The following SLC39A11 variants were observed in gnomAD, a reference collection of about 807,000 sequenced individuals.
SLC39A11 encodes the protein solute carrier family 39 member 11.
Under a neutral mutation model 36.1 loss-of-function variants are expected in SLC39A11, and 33 were observed. That is an observed-to-expected ratio of 0.91 (90% confidence interval 0.69 to 1.22). The LOEUF is 1.22. SLC39A11 is among the 50% of genes most tolerant of loss of function. The pLI is 0.00. For synonymous variants in SLC39A11, 166 were observed against 170.3 expected (o/e 0.97, Z 0.20); for missense variants, 432 against 430.3 (o/e 1.00, Z -0.03).
intron 2 of SLC39A11, among the ~76,000 whole-genome samples, chr17:73,086,753 G>A (rs577334160): frequency 1.3e-5 from 2 of 152,350 alleles, no homozygotes; most frequent in South Asian, 4.1e-4. Flanking sequence ...CCAGGAGGTG[G>A]AGGTTGCAGT....
intron 3 of SLC39A11, among the ~76,000 whole-genome samples, chr17:73,053,501 T>C (rs183916174): frequency 1.3e-4 from 20 of 152,328 alleles, no homozygotes; most frequent in Non-Finnish European, 2.4e-4. Context: ...TATGTGTCAA[T>C]TACTGTGTTA....
chr17:72,979,483 G>C (rs75095813), intron 4 of SLC39A11, among the ~76,000 whole-genome samples: 1 of 152,178 alleles, frequency 6.6e-6, no homozygotes, highest in Admixed American at 6.5e-5. Flanking sequence ...TTGAGAAGCA[G>C]AGCAGGCAAT....
chr17:72,979,402 G>C lies in SLC39A11; in HGVS notation c.307-31527C>G, dbSNP rs147087722. Among the ~76,000 whole-genome samples the C allele has an allele frequency of 5.3e-5, 8 of 152,240 alleles. No individual in the cohort carries two copies. The East Asian group carries it at 1.5e-3, about 29-fold the overall frequency. On this transcript the variant is annotated intron_variant, in intron 4 of 9. Coordinates refer to ENST00000255559, the MANE Select transcript of SLC39A11 (RefSeq NM_139177.4). ...AGTGAGACAGATAATTCTCACTCCAGTTATGCTGAGAGGAACCTGGACTCC... is the reference window on the plus strand; with the variant it reads ...AGTGAGACAGATAATTCTCACTCCACTTATGCTGAGAGGAACCTGGACTCC...
chr17:72,967,692 T>C (rs2087112647), intron 4 of SLC39A11, among the ~76,000 whole-genome samples: 1 of 152,198 alleles, frequency 6.6e-6, no homozygotes, highest in Non-Finnish European at 1.5e-5. Flanking sequence ...ATTGCTTTTC[T>C]CTGACATGTA....
In SLC39A11 at chr17:72,949,144, C is replaced by CTTTTTTTTTTT. The variant is rs56036208; in HGVS notation, c.307-1280_307-1270dup. Among the ~76,000 whole-genome samples, 347 of 36,510 alleles carry CTTTTTTTTTTT rather than the reference C, an allele frequency of 9.5e-3. 102 individuals carry two copies. The highest frequency in any genetic ancestry group is 0.014 in the Admixed American group (26 of 1,802). The allele number at this position is 36,510 out of a possible 152,430, so 24.0% of individuals were successfully genotyped here. A position where few individuals can be genotyped will look rare whatever the true frequency, so the allele number is the denominator to read the frequency against. ...AAATAAAATACCATACACTGGGCAGCTTTTTTTTTTTTTTTTTTTTTTTTT... is the reference window on the plus strand; with the variant it reads ...AAATAAAATACCATACACTGGGCAGCTTTTTTTTTTTTTTTTTTTTTTTTTTTTTTTTTTTT... On this transcript the variant is annotated intron_variant, in intron 4 of 9. Transcript: ENST00000255559.
At chr17:72,855,396 G>C (rs575471233) in intron 5 of SLC39A11, among the ~76,000 whole-genome samples, 47 of 152,246 alleles carry the variant, frequency 3.1e-4, no homozygotes, top group African/African-American at 9.4e-4. Flanking sequence ...CTAGCCAAGA[G>C]AGCTTTAACA....
chr17:73,054,808 A>AG (rs2059617022), intron 3 of SLC39A11, among the ~76,000 whole-genome samples: 2 of 30,520 alleles, frequency 6.6e-5, no homozygotes, highest in South Asian at 2.0e-3. Context: ...ATTCCGTCTC[A>AG]AAAAAAAAAA....
At chr17:72,822,532 C>T (rs1484053712) in intron 6 of SLC39A11, among the ~76,000 whole-genome samples, 1 of 150,864 alleles carries the variant, frequency 6.6e-6, no homozygotes, top group African/African-American at 2.4e-5. Flanking sequence ...CAGTGCACAA[C>T]AACTGAGAGA....
intron 5 of SLC39A11, among the ~76,000 whole-genome samples, chr17:72,923,001 A>T (rs1251760898): frequency 6.7e-6 from 1 of 149,828 alleles, no homozygotes; most frequent in Non-Finnish European, 1.5e-5. Flanking sequence ...CACACAGAAA[A>T]TACGAAACCC....
chr17:72,825,536 A>G (rs899694347), intron 6 of SLC39A11, among the ~76,000 whole-genome samples: 5 of 152,188 alleles, frequency 3.3e-5, no homozygotes, highest in African/African-American at 1.2e-4. Flanking sequence ...CTGTGAGAAG[A>G]GGTCACTGTT....
chr17:72,947,044 G>C (rs1019884557), intron 5 of SLC39A11, among the ~76,000 whole-genome samples: 5 of 152,208 alleles, frequency 3.3e-5, no homozygotes, highest in African/African-American at 1.2e-4. Context: ...CAGTTGGCCA[G>C]GTGCAGTGGC....
intron 9 of SLC39A11, among the ~76,000 whole-genome samples, chr17:72,648,352 AAC>A (rs1010764049): frequency 1.9e-4 from 8 of 41,266 alleles, no homozygotes; most frequent in African/African-American, 4.3e-4. Flanking sequence ...AAAAAAGAAA[AAC>A]AAAACAAAAC....
intron 5 of SLC39A11, among the ~76,000 whole-genome samples, chr17:72,870,169 G>A (rs765799387): frequency 1.3e-5 from 2 of 152,060 alleles, no homozygotes; most frequent in Non-Finnish European, 2.9e-5. Flanking sequence ...TAATGTGCGA[G>A]GTCAGCAGAC....
intron 5 of SLC39A11, among the ~76,000 whole-genome samples, chr17:72,901,995 G>A (rs1161927274): frequency 1.3e-5 from 2 of 152,096 alleles, no homozygotes; most frequent in African/African-American, 2.4e-5. Flanking sequence ...GGAGAGGCCG[G>A]GCACAGTGGC....
intron 3 of SLC39A11, among the ~76,000 whole-genome samples, chr17:73,065,470 C>T (rs1026767333): frequency 6.6e-6 from 1 of 152,132 alleles, no homozygotes; most frequent in Non-Finnish European, 1.5e-5. Context: ...TCAAGTCATG[C>T]TGAAGCTTAG....
At chr17:72,773,727 G>C (rs1011563889) in intron 6 of SLC39A11, among the ~76,000 whole-genome samples, 4 of 151,306 alleles carry the variant, frequency 2.6e-5, no homozygotes, top group African/African-American at 9.8e-5. Context: ...CAAAAGCATA[G>C]GTTGGTATCA....
intron 7 of SLC39A11, among the ~76,000 whole-genome samples, chr17:72,657,160 G>C (rs1440468410): frequency 2.6e-5 from 4 of 152,072 alleles, no homozygotes; most frequent in Admixed American, 6.5e-5. Context: ...AGGAGTTCAA[G>C]ACCAGCCTGG....
intron 7 of SLC39A11, among the ~76,000 whole-genome samples, chr17:72,710,451 T>TA (rs1331466768): frequency 6.6e-6 from 1 of 152,170 alleles, no homozygotes; most frequent in Non-Finnish European, 1.5e-5. Context: ...AGCATGAGAT[T>TA]AGTGCTCTTA....
intron 5 of SLC39A11, among the ~76,000 whole-genome samples, chr17:72,850,695 T>A (rs1478798291): frequency 6.6e-6 from 1 of 152,202 alleles, no homozygotes; most frequent in Non-Finnish European, 1.5e-5. Flanking sequence ...GCAGTGGTTT[T>A]CTGATTCGTA....
Sources: allele counts gnomAD v4.1 joint callset (sites outside exome capture counted in the v4.1 genomes callset), GRCh38; gene constraint gnomAD v4.1.1; transcripts MANE v1.5; gene names NCBI Gene and HGNC (gene_info 2026-07-23, HGNC 2026-07-21).